Variants in TOX observed in about 807,000 individuals in gnomAD.
The protein encoded by TOX is thymocyte selection-associated high mobility group box protein TOX.
A neutral mutation model predicts 53.7 loss-of-function variants in TOX; 11 were observed. The observed-to-expected ratio is 0.20, with a 90% CI of 0.13 to 0.34. The LOEUF is 0.34. Ranked by LOEUF, TOX falls within the 10% of genes least tolerant of loss-of-function variation. The pLI is 1.00. For missense variants in TOX, 570 were observed against 664.6 expected, an observed-to-expected ratio of 0.86 and a Z score of 1.56; for synonymous variants, 225 against 245.3, an observed-to-expected ratio of 0.92 and a Z score of 0.77.
At chr8:58,920,746 G>GAA (rs1164471853) in intron 3 of TOX, among the ~76,000 whole-genome samples, 4 of 43,200 alleles carry the variant, frequency 9.3e-5, no homozygotes, top group East Asian at 1.2e-3. Flanking sequence ...AGAAAAAAAA[G>GAA]AAGAAAAAAA....
chr8:59,092,265 T>TTATATATATATATATATATATATTATATA (rs201625696), intron 1 of TOX, among the ~76,000 whole-genome samples: 2 of 89,930 alleles, frequency 2.2e-5, no homozygotes, highest in Non-Finnish European at 3.6e-5. Flanking sequence ...TATATATATT[T>TTATATATATATATATATATATATTATATA]TATATATATA....
At chr8:59,005,966 T>C (rs1813783896) in intron 1 of TOX, among the ~76,000 whole-genome samples, 1 of 152,260 alleles carries the variant, frequency 6.6e-6, no homozygotes. Context: ...CAGATCATTT[T>C]ACGCACGGCC....
chr8:59,014,250 A>G (rs1164882635), intron 1 of TOX, among the ~76,000 whole-genome samples: 2 of 152,360 alleles, frequency 1.3e-5, no homozygotes, highest in Admixed American at 6.5e-5. Flanking sequence ...AAATGAGTTC[A>G]GAAATAAAGC....
chr8:58,896,027 T>C (rs1253975981), intron 3 of TOX, among the ~76,000 whole-genome samples: 2 of 152,212 alleles, frequency 1.3e-5, no homozygotes, highest in Non-Finnish European at 2.9e-5. Flanking sequence ...AGTTAATAAA[T>C]ATCAGACTTT....
chr8:58,838,541 A>T (rs1299306557), intron 4 of TOX, among the ~76,000 whole-genome samples: 1 of 152,096 alleles, frequency 6.6e-6, no homozygotes, highest in Non-Finnish European at 1.5e-5. Flanking sequence ...CTTTGAAAAA[A>T]GTTGGCTCTT....
intron 1 of TOX, among the ~76,000 whole-genome samples, chr8:58,989,958 A>G (rs1813409706): frequency 6.6e-6 from 1 of 152,206 alleles, no homozygotes; most frequent in Non-Finnish European, 1.5e-5. Flanking sequence ...GTCAATCGGA[A>G]TCACTCCAGA....
rs371535423 is a variant in TOX at position 59,048,003 on chromosome 8, G to T, written c.102+70883C>A. 1.1e-4 allele frequency among the ~76,000 whole-genome samples: 17 copies of T among 152,182 alleles called. No individual in the cohort carries two copies. The East Asian group carries it at 1.5e-3, about 14-fold the overall frequency. On this transcript the variant is annotated intron_variant, in intron 1 of 8. Coordinates refer to ENST00000361421, the MANE Select transcript of TOX (RefSeq NM_014729.3). ...TAGTGTATGATTGTTAGCAGTCCTT[G>T]ATTATTATTATAGTAATGTACCTTC... is the stretch of plus-strand genomic sequence containing the variant.
intron 1 of TOX, among the ~76,000 whole-genome samples, chr8:59,092,307 T>TATATATATAC (rs1563443781): frequency 8.9e-6 from 1 of 112,168 alleles, no homozygotes; most frequent in East Asian, 2.3e-4. Flanking sequence ...ATATATTATA[T>TATATATATAC]ATTATATATA....
In TOX at chr8:59,118,257, C is replaced by T. The variant is rs1460595424; in HGVS notation, c.102+629G>A. On this transcript the variant is annotated intron_variant, in intron 1 of 8. Transcript: ENST00000361421. The surrounding 1 kb of genome is among the most constrained non-coding windows in gnomAD (Gnocchi z 4.1). ...GCGCACCCCTTAAACAGGAACTGTT[C>T]CCCAAACCTTGACCCAGCTACCCCG... Among the ~76,000 whole-genome samples, 1 of 152,258 alleles carries T rather than the reference C, an allele frequency of 6.6e-6. No individual in the cohort carries two copies. Among genetic ancestry groups the T allele is most frequent in the Non-Finnish European group, 1.5e-5 (1 of 68,052 alleles).
intron 3 of TOX, among the ~76,000 whole-genome samples, chr8:58,858,832 G>C (rs1440491072): frequency 1.3e-5 from 2 of 152,164 alleles, no homozygotes; most frequent in Non-Finnish European, 2.9e-5. Flanking sequence ...GTCCATGCAG[G>C]CCTGCATGAT....
Position 58,851,564 on chromosome 8 carries a change from G to A in TOX, c.653C>T (p.Ser218Phe). ...PGSKSATPSP[S>F]SSVHEDEGDD... ...GCCTTCATCTTCATGCACTGAACTGGATGGTGAAGGAGTTGCAGACTTGCT... is the reference window on the plus strand; with the variant it reads ...GCCTTCATCTTCATGCACTGAACTGAATGGTGAAGGAGTTGCAGACTTGCT... The change falls in exon 4 of 9, where the codon TCC becomes TTC. Residue 218 changes from serine (S) to phenylalanine (F), a missense_variant. Physicochemically the swap from Ser to Phe is radical, Grantham distance 155 (BLOSUM62 -2). Coordinates refer to ENST00000361421, the MANE Select transcript of TOX (RefSeq NM_014729.3). The surrounding 1 kb of genome is among the most constrained non-coding windows in gnomAD (Gnocchi z 4.4). 1 of 1,613,448 alleles carries A rather than the reference G, an allele frequency of 6.2e-7. No individual in the cohort carries two copies. Among genetic ancestry groups the A allele is most frequent in the South Asian group, 1.1e-5 (1 of 91,066 alleles).
chr8:58,969,830 T>C (rs1050464038), intron 1 of TOX, among the ~76,000 whole-genome samples: 2 of 152,230 alleles, frequency 1.3e-5, no homozygotes, highest in African/African-American at 4.8e-5. Flanking sequence ...CTGGAAGACT[T>C]GCTGGAAACA....
intron 1 of TOX, among the ~76,000 whole-genome samples, chr8:59,026,122 GT>G (rs5891707): frequency 3.2e-4 from 48 of 150,644 alleles, no homozygotes; most frequent in African/African-American, 8.5e-4. Flanking sequence ...TTAATTTTAT[GT>G]TTTTTTTTTC....
intron 5 of TOX, among the ~76,000 whole-genome samples, chr8:58,829,140 G>A (rs12549906): frequency 6.6e-6 from 1 of 152,072 alleles, no homozygotes; most frequent in Admixed American, 6.6e-5. Flanking sequence ...TCTTTCATTG[G>A]TTTCTACTGA....
At chr8:58,995,596 C>T (rs7009288) in intron 1 of TOX, among the ~76,000 whole-genome samples, 19,477 of 152,012 alleles carry the variant, frequency 0.13, 1,614 homozygotes, top group African/African-American at 0.21. Flanking sequence ...ACACAGACAA[C>T]TGAAAAAGCA....
chr8:58,839,617 A>G (rs928641993), intron 4 of TOX, among the ~76,000 whole-genome samples: 1 of 152,212 alleles, frequency 6.6e-6, no homozygotes, highest in Admixed American at 6.5e-5. Context: ...CTAAAATTAT[A>G]TGAGTCTACA....
intron 1 of TOX, among the ~76,000 whole-genome samples, chr8:58,971,419 C>T (rs934336172): frequency 6.6e-6 from 1 of 152,266 alleles, no homozygotes; most frequent in Admixed American, 6.5e-5. Flanking sequence ...AGTTCCTAGC[C>T]GACTAGTCTT....
chr8:58,871,144 T>C (rs2129169985), intron 3 of TOX, among the ~76,000 whole-genome samples: 1 of 136,914 alleles, frequency 7.3e-6, no homozygotes, highest in South Asian at 2.2e-4. Context: ...AACTTTAAAA[T>C]GCATACTGCT....
chr8:58,986,314 A>C (rs1335166032), intron 1 of TOX, among the ~76,000 whole-genome samples: 1 of 152,162 alleles, frequency 6.6e-6, no homozygotes, highest in Non-Finnish European at 1.5e-5. Flanking sequence ...TTAGAAATAG[A>C]ATACAGACTC....
Sources: allele counts gnomAD v4.1 joint callset (sites outside exome capture counted in the v4.1 genomes callset), GRCh38; gene constraint gnomAD v4.1.1; non-coding constraint Gnocchi (gnomAD v3.1); transcripts MANE v1.5; gene names NCBI Gene and HGNC (gene_info 2026-07-23, HGNC 2026-07-21).